KAZN: variants seen among roughly 807,000 people sequenced by gnomAD.
KAZN encodes kazrin, periplakin interacting protein.
Under a neutral mutation model 87.4 loss-of-function variants are expected in KAZN, and 40 were observed. The ratio of observed to expected loss-of-function variants is 0.46; its 90% CI spans 0.36 to 0.60. The LOEUF is 0.60. Ranked by LOEUF, KAZN falls within the 20% of genes least tolerant of loss-of-function variation. The pLI, the probability that KAZN is intolerant of heterozygous loss-of-function variation, is 0.00. For missense variants in KAZN, 898 were observed against 1,073.9 expected, an observed-to-expected ratio of 0.84 and a Z score of 2.29; for synonymous variants, 466 against 458.3, an observed-to-expected ratio of 1.02 and a Z score of -0.22.
chr1:13,908,226 A>G (rs1223919584), intron 1 of KAZN, among the ~76,000 whole-genome samples: 6 of 152,248 alleles, frequency 3.9e-5, no homozygotes, highest in African/African-American at 1.2e-4. Flanking sequence ...TGGACTGCCC[A>G]TGAGAAACAG....
intron 1 of KAZN, among the ~76,000 whole-genome samples, chr1:13,955,126 CAT>C (rs1641496955): frequency 1.3e-5 from 2 of 152,290 alleles, no homozygotes; most frequent in South Asian, 4.1e-4. Context: ...AATTTCTTGA[CAT>C]ATCAGCTCTT....
At chr1:14,806,138 C>T (rs11581911) in intron 1 of KAZN, among the ~76,000 whole-genome samples, 5 of 152,162 alleles carry the variant, frequency 3.3e-5, no homozygotes, top group African/African-American at 4.8e-5. Flanking sequence ...GGAGGAACTC[C>T]CCAGGGTTCC....
Position 14,883,349 on chromosome 1 carries a change from A to AG in KAZN, c.227-77334dup, listed in dbSNP as rs1376505493. Among the ~76,000 whole-genome samples the AG allele has an allele frequency of 5.2e-3, 197 of 38,122 alleles. 49 individuals are homozygous for AG. In the East Asian group the frequency reaches 0.097, roughly 19 times the overall value. The allele number at this position is 38,122 out of a possible 152,430, so 25.0% of individuals were successfully genotyped here. On this transcript the variant is annotated intron_variant, in intron 1 of 14. Transcript: ENST00000376030. ...GAGAGAGAGAGAGAGAGAGAAAGAA[A>AG]GAAAGAAAAGAAAGAAAGAAAGAAA...
At chr1:14,780,017 G>T in intron 1 of KAZN, among the ~76,000 whole-genome samples, 1 of 152,302 alleles carries the variant, frequency 6.6e-6, no homozygotes, top group African/African-American at 2.4e-5. Context: ...GACAAGCTTT[G>T]TCTCATTAAT....
chr1:14,452,289 G>A (rs1432119266), intron 2 of KAZN, among the ~76,000 whole-genome samples: 3 of 152,184 alleles, frequency 2.0e-5, no homozygotes, highest in Non-Finnish European at 4.4e-5. Context: ...GACCTGGCCA[G>A]GCAACCTTGA....
rs892299872 is a variant in KAZN, at chr1:14,424,846, C to T, written c.250-174137C>T. 3.9e-5 allele frequency among the ~76,000 whole-genome samples: 6 copies of T among 152,310 alleles called. No homozygotes were observed. The East Asian group carries it at 1.2e-3, about 29-fold the overall frequency. ...AGAAGGGCCAGATAGATTCCCAGGC[C>T]CCATCTGCTTGCTGAGCCAATGCCA... On this transcript the variant is annotated intron_variant, in intron 2 of 16. Transcript: ENST00000636203.
intron 1 of KAZN, among the ~76,000 whole-genome samples, chr1:13,920,955 G>A (rs1640042937): frequency 1.3e-5 from 2 of 152,104 alleles, no homozygotes. Flanking sequence ...CAGATGTACA[G>A]CTCAGAGGAA....
At chr1:14,766,723 G>A (rs954516982) in intron 1 of KAZN, among the ~76,000 whole-genome samples, 2 of 149,808 alleles carry the variant, frequency 1.3e-5, no homozygotes, top group Non-Finnish European at 3.0e-5. Context: ...TTTATCCCAC[G>A]ATGGGAGGCA....
In KAZN at chr1:15,065,713, A is replaced by T. The variant is rs1639172913; in HGVS notation, c.1182A>T (p.Arg394Ser). 6.2e-7 allele frequency: 1 copy of T among 1,614,140 alleles called. No homozygotes were observed. Among genetic ancestry groups the T allele is most frequent in the Non-Finnish European group, 8.5e-7 (1 of 1,180,046 alleles). The change falls in exon 8 of 15, where the codon AGA becomes AGT. Residue 394 changes from arginine (R) to serine (S), a missense_variant. Around this residue, in one of 3 missense-constraint regions of KAZN, gnomAD observed 521 missense variants for 689.4 expected, o/e 0.76. Coordinates refer to ENST00000376030, the MANE Select transcript of KAZN (RefSeq NM_201628.3). ...GCTCCATCTCCCGCGTCTTCGCCAG[A>T]GGGAAGCAGCGGAAGTCCCTCGACC... ...GFGSISRVFA[R>S]GKQRKSLDPG...
At chr1:14,688,829 C>T (rs1320060180) in intron 1 of KAZN, among the ~76,000 whole-genome samples, 1 of 152,332 alleles carries the variant, frequency 6.6e-6, no homozygotes, top group Middle Eastern at 3.4e-3. Context: ...TGCATAGTCC[C>T]TTTCACAGCT....
At chr1:14,592,411 G>A (rs891248311) in intron 2 of KAZN, among the ~76,000 whole-genome samples, 1 of 152,212 alleles carries the variant, frequency 6.6e-6, no homozygotes, top group Non-Finnish European at 1.5e-5. Flanking sequence ...GTCTGGACCG[G>A]TGAGTCTCCA....
At chr1:14,226,570 TAA>T (rs1340240282) in intron 2 of KAZN, among the ~76,000 whole-genome samples, 1 of 152,080 alleles carries the variant, frequency 6.6e-6, no homozygotes, top group African/African-American at 2.4e-5. Context: ...CAAAGGAATA[TAA>T]GTCATTCTAC....
At chr1:14,981,364 T>A (rs550040847) in intron 2 of KAZN, among the ~76,000 whole-genome samples, 2 of 152,382 alleles carry the variant, frequency 1.3e-5, no homozygotes, top group East Asian at 3.9e-4. Context: ...TTGTGTGTTT[T>A]GTAAATCCAT....
intron 1 of KAZN, among the ~76,000 whole-genome samples, chr1:14,663,293 A>G (rs371475074): frequency 4.6e-5 from 7 of 152,148 alleles, no homozygotes; most frequent in African/African-American, 1.2e-4. Context: ...TAAGTAGTAC[A>G]TGGGAGGCAT....
At chr1:13,900,217 G>T (rs1639199096) in intron 1 of KAZN, among the ~76,000 whole-genome samples, 1 of 152,000 alleles carries the variant, frequency 6.6e-6, no homozygotes, top group Non-Finnish European at 1.5e-5. Context: ...TAGTCCCTTG[G>T]GCTGATCAGA....
At chr1:14,114,284 G>C (rs1557486319) in intron 1 of KAZN, among the ~76,000 whole-genome samples, 1 of 152,144 alleles carries the variant, frequency 6.6e-6, no homozygotes, top group Admixed American at 6.5e-5. Flanking sequence ...TGCGTGGGGG[G>C]CCGGCATTGG....
intron 1 of KAZN, among the ~76,000 whole-genome samples, chr1:14,774,508 T>C (rs1195488126): frequency 6.7e-6 from 1 of 149,740 alleles, no homozygotes; most frequent in Non-Finnish European, 1.5e-5. Flanking sequence ...TCTCGCTGTG[T>C]CACCCAGGCT....
At chr1:14,438,067 A>C in intron 2 of KAZN, among the ~76,000 whole-genome samples, 1 of 148,464 alleles carries the variant, frequency 6.7e-6, no homozygotes, top group Non-Finnish European at 1.5e-5. Context: ...AAACTTCAAG[A>C]AAGGTCAAAA....
chr1:14,581,999 A>G (rs1368671440), intron 2 of KAZN, among the ~76,000 whole-genome samples: 1 of 152,062 alleles, frequency 6.6e-6, no homozygotes, highest in South Asian at 2.1e-4. Flanking sequence ...CGTACCACCC[A>G]GACTAGAATG....
Sources: allele counts gnomAD v4.1 joint callset (sites outside exome capture counted in the v4.1 genomes callset), GRCh38; gene constraint gnomAD v4.1.1; regional missense constraint gnomAD v4.1.1; transcripts MANE v1.5; gene names NCBI Gene and HGNC (gene_info 2026-07-23, HGNC 2026-07-21).